SYNE1: variants seen among roughly 807,000 people sequenced by gnomAD.
The protein encoded by SYNE1 is nesprin-1.
Under a neutral mutation model 1,111.0 loss-of-function variants are expected in SYNE1, and 616 were observed. The observed-to-expected ratio is 0.55, with a 90% CI of 0.52 to 0.59. The LOEUF is 0.59. Among genes scored for constraint, SYNE1 ranks in the 20% least tolerant of loss-of-function variants. The pLI, the probability that SYNE1 is intolerant of heterozygous loss-of-function variation, is 0.00. For missense variants in SYNE1, 10,006 were observed against 10,417.0 expected (o/e 0.96, Z 1.72); for synonymous variants, 3,855 against 3,825.8 (o/e 1.01, Z -0.28).
At chr6:152,311,779 A>C (rs2171759) in intron 87 of SYNE1, among the ~76,000 whole-genome samples, 5 of 111,486 alleles carry the variant, frequency 4.5e-5, no homozygotes, top group Non-Finnish European at 8.0e-5. Flanking sequence ...TAGACTATTT[A>C]TTTATTTCTT....
At chr6:152,619,404 A>C (rs937961515) in intron 3 of SYNE1, among the ~76,000 whole-genome samples, 6 of 152,196 alleles carry the variant, frequency 3.9e-5, no homozygotes, top group African/African-American at 1.4e-4. Flanking sequence ...CCCCAATTCA[A>C]TTGCCTTACT....
intron 3 of SYNE1, among the ~76,000 whole-genome samples, chr6:152,602,746 A>G (rs1291946590): frequency 2.0e-5 from 3 of 152,112 alleles, no homozygotes; most frequent in African/African-American, 7.2e-5. Context: ...CTTTTTATTC[A>G]TACCTGTTGA....
chr6:152,340,789 C>T (rs555415586), intron 74 of SYNE1, among the ~76,000 whole-genome samples: 38 of 152,294 alleles, frequency 2.5e-4, no homozygotes, highest in African/African-American at 8.2e-4. Context: ...AGACTCCCTC[C>T]GAACATCACG....
At position 152,214,990 on chromosome 6, in the gene SYNE1, G is replaced by T; in HGVS notation, c.22262C>A (p.Pro7421His). ...DRLNELGYRL[P>H]LNDKEIKRMQ... ...TCTTTTGATTTCCTTATCATTCAAG[G>T]GTAACCTATATCCAAGCTCATTTAG... The change falls in exon 122 of 146, where the codon CCC (proline) becomes CAC (histidine). Residue 7421 changes from proline to histidine, a missense_variant. By Grantham distance (77) the Pro-to-His change is moderately conservative. Coordinates refer to ENST00000367255, the MANE Select transcript of SYNE1 (RefSeq NM_182961.4). The T allele has an allele frequency of 6.2e-7, 1 of 1,614,036 alleles. No homozygotes were observed. Among genetic ancestry groups the T allele is most frequent in the Middle Eastern group, 1.6e-4 (1 of 6,062 alleles).
chr6:152,363,789 T>C (rs1006227776), intron 63 of SYNE1: 18 of 455,628 alleles, frequency 4.0e-5, no homozygotes, highest in African/African-American at 3.6e-4. Flanking sequence ...GGGGCAGCCC[T>C]CAACTGCTCT....
At chr6:152,212,277 C>T (rs2077666035) in intron 123 of SYNE1, among the ~76,000 whole-genome samples, 1 of 152,096 alleles carries the variant, frequency 6.6e-6, no homozygotes, top group African/African-American at 2.4e-5. Flanking sequence ...CAATCATTCC[C>T]CATTTCTTCC....
chr6:152,412,420 T>A (rs1246857202), intron 42 of SYNE1, among the ~76,000 whole-genome samples: 2 of 140,496 alleles, frequency 1.4e-5, no homozygotes, highest in African/African-American at 2.7e-5. Context: ...CGAGACTCCG[T>A]CTCAAAAAAA....
intron 92 of SYNE1, among the ~76,000 whole-genome samples, chr6:152,301,011 T>C (rs923747848): frequency 8.5e-5 from 13 of 152,224 alleles, no homozygotes; most frequent in Admixed American, 3.9e-4. Flanking sequence ...CATATGACAT[T>C]GAAGTTTTGT....
intron 73 of SYNE1, among the ~76,000 whole-genome samples, chr6:152,344,503 T>A (rs184228636): frequency 1.4e-3 from 218 of 152,332 alleles, no homozygotes; most frequent in African/African-American, 5.1e-3. Flanking sequence ...CGTAGAGGCA[T>A]GCTAGAATAC....
At chr6:152,316,471 C>T (rs2095724226) in intron 87 of SYNE1, 1 of 275,726 alleles carries the variant, frequency 3.6e-6, no homozygotes, top group Admixed American at 5.0e-5. Context: ...TTGGTTTTCC[C>T]ACCAGTCTGA....
Position 152,461,537 on chromosome 6 carries a change from A to G in SYNE1, c.2394+60T>C, listed in dbSNP as rs2098734090. 4 of 1,610,586 alleles carry G rather than the reference A, an allele frequency of 2.5e-6. No individual in the cohort carries two copies. In the South Asian group the frequency reaches 4.4e-5, roughly 18 times the overall value. ...TGCCCATGGGGAGAAGGAGGTAGCA[A>G]GCAAGCTGAAGGCACTGTTGGTGTC... On this transcript the variant is annotated intron_variant, in intron 21 of 145. Coordinates refer to ENST00000367255, the MANE Select transcript of SYNE1 (RefSeq NM_182961.4).
At chr6:152,311,712 T>C (rs1011064330) in intron 87 of SYNE1, among the ~76,000 whole-genome samples, 12 of 152,020 alleles carry the variant, frequency 7.9e-5, no homozygotes, top group African/African-American at 2.9e-4. Context: ...ACACAGTTAG[T>C]GGGGTGTGTA....
At position 152,376,395 on chromosome 6, in the gene SYNE1, G is replaced by A. The variant is rs2097282659; in HGVS notation, c.9310C>T (p.Leu3104Phe). ...AACACCCTTACCTGTATTTTCTGAA[G>A]ACTAGTTGAAACTTCACTTATATTT... Reference protein sequence around the residue: ...PQNISEVSTSLQKIQEFLSES... With the variant: ...PQNISEVSTSFQKIQEFLSES... The change falls in exon 58 of 146, where the codon CTT (leucine) becomes TTT (phenylalanine). Residue 3104 changes from leucine to phenylalanine, a missense_variant. Coordinates refer to ENST00000367255, the MANE Select transcript of SYNE1 (RefSeq NM_182961.4). The A allele has an allele frequency of 3.1e-6, 5 of 1,614,160 alleles. No homozygotes were observed. The highest frequency in any genetic ancestry group is 4.2e-6 in the Non-Finnish European group (5 of 1,180,022).
Position 152,383,501 on chromosome 6 carries a change from C to T in SYNE1, c.8653-2139G>A, listed in dbSNP as rs149315896. Among the ~76,000 whole-genome samples the T allele has an allele frequency of 3.5e-3, 530 of 152,274 alleles. 3 individuals carry two copies. Among genetic ancestry groups the T allele is most frequent in the African/African-American group, 0.012 (498 of 41,558 alleles). On this transcript the variant is annotated intron_variant, in intron 55 of 145. Coordinates refer to ENST00000367255, the MANE Select transcript of SYNE1 (RefSeq NM_182961.4). Reference sequence around the variant, plus strand: ...TAGTATTCCTCCTAATGGCAGCCTCCTGCTGTACCTGTGATGGCGACCACC... The same window carrying T: ...TAGTATTCCTCCTAATGGCAGCCTCTTGCTGTACCTGTGATGGCGACCACC...
At chr6:152,394,464 T>A (rs1048026115) in intron 51 of SYNE1, among the ~76,000 whole-genome samples, 1 of 152,132 alleles carries the variant, frequency 6.6e-6, no homozygotes, top group Non-Finnish European at 1.5e-5. Flanking sequence ...GTGGAAAGTA[T>A]CCTATCTTCC....
intron 117 of SYNE1, among the ~76,000 whole-genome samples, chr6:152,222,329 A>G (rs1310266259): frequency 6.6e-6 from 1 of 152,202 alleles, no homozygotes; most frequent in Non-Finnish European, 1.5e-5. Context: ...TAACAAAGCC[A>G]TGGCAATGGT....
chr6:152,329,838 C>G lies in SYNE1; in HGVS notation c.14847G>C (p.Lys4949Asn), dbSNP rs762502490. 16 of 1,614,046 alleles carry G rather than the reference C, an allele frequency of 9.9e-6. No individual in the cohort carries two copies. Among genetic ancestry groups the G allele is most frequent in the Admixed American group, 5.0e-5 (3 of 59,998 alleles). The change falls in exon 78 of 146, where the codon AAG (lysine) becomes AAC (asparagine). Residue 4949 changes from lysine (K) to asparagine (N), a missense_variant. This residue lies in a region of SYNE1 where 4,955 missense variants were observed against 5,017.2 expected (regional missense o/e 0.99). Transcript: ENST00000367255. Reference sequence around the variant, plus strand: ...GCTCCTTGGCCTTTGTGAACTTCTCCTTTTCCTTGTGACTCAGCGCATTCA... The same window carrying G: ...GCTCCTTGGCCTTTGTGAACTTCTCGTTTTCCTTGTGACTCAGCGCATTCA... ...RIMNALSHKE[K>N]EKFTKAKELI... is the part of the protein sequence containing the mutation.
intron 100 of SYNE1, among the ~76,000 whole-genome samples, chr6:152,264,898 T>C (rs2092517233): frequency 6.6e-6 from 1 of 152,034 alleles, no homozygotes; most frequent in African/African-American, 2.4e-5. Flanking sequence ...AGGAAGTTAA[T>C]TTAAACAATG....
At chr6:152,323,827 G>A (rs1050138328) in intron 81 of SYNE1, 90 bp from the exon 82 acceptor site, 2 of 1,425,130 alleles carry the variant, frequency 1.4e-6, no homozygotes, top group African/African-American at 1.4e-5. Context: ...ACTAGTGTAT[G>A]AAGCCAATTA....
Sources: allele counts gnomAD v4.1 joint callset (sites outside exome capture counted in the v4.1 genomes callset), GRCh38; gene constraint gnomAD v4.1.1; regional missense constraint gnomAD v4.1.1; transcripts MANE v1.5; gene names NCBI Gene and HGNC (gene_info 2026-07-23, HGNC 2026-07-21).